Variants in WDR53 observed in about 807,000 individuals in gnomAD.
WDR53 encodes the protein WD repeat domain 53.
A neutral mutation model predicts 21.3 loss-of-function variants in WDR53; 19 were observed. That is an observed-to-expected ratio of 0.89 (90% CI 0.62 to 1.31). The LOEUF is 1.31. Among genes scored for constraint, WDR53 ranks in the 50% most tolerant of loss-of-function variants. The pLI, the probability that WDR53 is intolerant of heterozygous loss-of-function variation, is 0.00. For synonymous variants in WDR53, 157 were observed against 163.4 expected (o/e 0.96, Z 0.30); for missense variants, 374 against 423.2 (o/e 0.88, Z 1.02).
At chr3:196,558,316 CCCA>C (rs991760319) in intron 3 of WDR53, among the ~76,000 whole-genome samples, 1 of 152,134 alleles carries the variant, frequency 6.6e-6, no homozygotes, top group African/African-American at 2.4e-5. Context: ...AGGTGATCCT[CCCA>C]CGTCAACTTC....
chr3:196,566,367 C>A (rs1169967911), intron 2 of WDR53, among the ~76,000 whole-genome samples: 1 of 151,952 alleles, frequency 6.6e-6, no homozygotes, highest in East Asian at 1.9e-4. Context: ...GGATTACAGG[C>A]ATGAGCCACT....
chr3:196,566,574 C>T (rs973743485), intron 2 of WDR53, among the ~76,000 whole-genome samples: 2 of 152,042 alleles, frequency 1.3e-5, no homozygotes, highest in African/African-American at 2.4e-5. Flanking sequence ...CCACCACGCC[C>T]GGTTAATTTT....
intron 2 of WDR53, 130 bp from the exon 3 acceptor site, chr3:196,561,621 T>A: frequency 3.1e-6 from 3 of 963,680 alleles, no homozygotes; most frequent in African/African-American, 3.8e-5. Flanking sequence ...ACTCAATTAA[T>A]TAAAAAAAAA....
chr3:196,555,123 A>T (rs1734215801), intron 3 of WDR53, among the ~76,000 whole-genome samples: 1 of 152,210 alleles, frequency 6.6e-6, no homozygotes, highest in African/African-American at 2.4e-5. Context: ...CTCTTCAAGT[A>T]AAACCAAAGA....
intron 2 of WDR53, among the ~76,000 whole-genome samples, chr3:196,563,575 C>CTT (rs11332529): frequency 1.4e-5 from 2 of 143,802 alleles, no homozygotes; most frequent in East Asian, 2.0e-4. Flanking sequence ...CAACACAAAG[C>CTT]TTTTTTTTTT....
intron 2 of WDR53, 44 bp from the exon 3 acceptor site, chr3:196,561,535 C>G (rs751848471): frequency 1.2e-5 from 19 of 1,521,490 alleles, no homozygotes; most frequent in Non-Finnish European, 1.7e-5. Flanking sequence ...TTTTATACAT[C>G]GACTTGATGG....
chr3:196,561,140 A>AAAATTTGATTGCTG lies in WDR53; in HGVS notation c.335_336insCAGCAATCAAATTT (p.Asp113SerfsTer14). ...GGATTTTGATTGCCCCAGAGTCGTCAGCAGAAGCCAGCAGGTTTTCCGTTT... is the reference window on the plus strand; with the variant it reads ...GGATTTTGATTGCCCCAGAGTCGTCAAAATTTGATTGCTGGCAGAAGCCAGCAGGTTTTCCGTTT... On this transcript the variant is annotated frameshift_variant, in exon 3 of 4. Coordinates refer to ENST00000332629, the MANE Select transcript of WDR53 (RefSeq NM_182627.3). LOFTEE classifies it high-confidence loss of function. The AAAATTTGATTGCTG allele has an allele frequency of 1.9e-6, 3 of 1,614,248 alleles. No individual in the cohort carries two copies. The highest frequency in any genetic ancestry group is 2.5e-6 in the Non-Finnish European group (3 of 1,180,048).
intron 3 of WDR53, among the ~76,000 whole-genome samples, chr3:196,556,777 C>G (rs1443105872): frequency 6.6e-6 from 1 of 152,128 alleles, no homozygotes; most frequent in African/African-American, 2.4e-5. Flanking sequence ...TATGAATGGA[C>G]TGTATTTTCT....
chr3:196,555,488 A>G (rs1720628901), intron 3 of WDR53, among the ~76,000 whole-genome samples: 1 of 152,194 alleles, frequency 6.6e-6, no homozygotes, highest in Non-Finnish European at 1.5e-5. Flanking sequence ...ACATCCTGGT[A>G]TTAATTTCAT....
chr3:196,565,739 A>G (rs1735327369), intron 2 of WDR53, among the ~76,000 whole-genome samples: 1 of 152,238 alleles, frequency 6.6e-6, no homozygotes, highest in Admixed American at 6.5e-5. Context: ...GAAACACACC[A>G]AAGAACACTA....
At chr3:196,565,553 C>T (rs1351172610) in intron 2 of WDR53, among the ~76,000 whole-genome samples, 8 of 124,394 alleles carry the variant, frequency 6.4e-5, no homozygotes, top group East Asian at 3.8e-4. Flanking sequence ...GGGTGAGAGT[C>T]GGGGTGAGGG....
Position 196,567,084 on chromosome 3 carries a change from C to T in WDR53, c.-224G>A. ...TACCACCACCGTCCCGTTCAAGAGT[C>T]TGTGCCTCTAAGGCTGTTCATTCTG... On this transcript the variant is annotated 5_prime_UTR_variant, in exon 2 of 4. Transcript: ENST00000332629. 1 of 452,868 alleles carries T rather than the reference C, an allele frequency of 2.2e-6. No individual in the cohort carries two copies. Among genetic ancestry groups the T allele is most frequent in the Non-Finnish European group, 4.4e-6 (1 of 224,910 alleles). 28.1% of individuals were successfully genotyped at this position (452,868 alleles called of 1,614,324 possible).
chr3:196,560,247 C>CTTT (rs11425350), intron 3 of WDR53, among the ~76,000 whole-genome samples: 7 of 144,996 alleles, frequency 4.8e-5, no homozygotes, highest in African/African-American at 1.0e-4. Context: ...TTTCTTTTTT[C>CTTT]TTTTTTTTTT....
intron 3 of WDR53, among the ~76,000 whole-genome samples, chr3:196,555,655 T>G (rs955128219): frequency 2.0e-5 from 3 of 152,252 alleles, no homozygotes; most frequent in Admixed American, 2.0e-4. Context: ...ACAGACAGCT[T>G]TATCATGTAG....
chr3:196,567,372 G>A, intron 1 of WDR53, 65 bp from the exon 2 acceptor site: 1 of 378,650 alleles, frequency 2.6e-6, no homozygotes, highest in Non-Finnish European at 5.2e-6. Context: ...AGAAGGGACA[G>A]GCAAATAATA....
chr3:196,555,981 T>A (rs1032592157), intron 3 of WDR53, among the ~76,000 whole-genome samples: 1 of 152,096 alleles, frequency 6.6e-6, no homozygotes, highest in African/African-American at 2.4e-5. Context: ...CAAATTGAAA[T>A]AAGCTAAAGT....
intron 2 of WDR53, among the ~76,000 whole-genome samples, chr3:196,566,651 T>C (rs944497059): frequency 6.7e-6 from 1 of 149,088 alleles, no homozygotes; most frequent in Non-Finnish European, 1.5e-5. Context: ...TGACTGCAGG[T>C]GATCCGCCCG....
At chr3:196,564,920 CAGACA>C (rs1340252788) in intron 2 of WDR53, among the ~76,000 whole-genome samples, 1 of 152,148 alleles carries the variant, frequency 6.6e-6, no homozygotes, top group East Asian at 1.9e-4. Context: ...TGCTGACTGA[CAGACA>C]AAAGTTTTAG....
chr3:196,560,236 CTTTCT>C (rs1404562707), intron 3 of WDR53, among the ~76,000 whole-genome samples: 2 of 143,526 alleles, frequency 1.4e-5, no homozygotes, highest in Non-Finnish European at 3.0e-5. Flanking sequence ...TGTGATGCTC[CTTTCT>C]TTTTTCTTTT....
Sources: allele counts gnomAD v4.1 joint callset (sites outside exome capture counted in the v4.1 genomes callset), GRCh38; gene constraint gnomAD v4.1.1; transcripts MANE v1.5; gene names NCBI Gene and HGNC (gene_info 2026-07-23, HGNC 2026-07-21).